The following TNNI3K variants were observed in gnomAD, a reference collection of about 807,000 sequenced individuals.
The protein encoded by TNNI3K is TNNI3 interacting kinase.
A neutral mutation model predicts 114.5 loss-of-function variants in TNNI3K; 140 were observed. The observed-to-expected ratio is 1.22, with a 90% CI of 1.07 to 1.41. The LOEUF (loss-of-function observed/expected upper bound fraction) is 1.41, where lower values mean the gene tolerates loss of function less well. Among genes scored for constraint, TNNI3K ranks in the 40% most tolerant of loss-of-function variants. The probability of loss-of-function intolerance (pLI) is 0.00; values close to 1 mark genes in which losing one functional copy is unlikely to be tolerated. For missense variants in TNNI3K, 1,125 were observed against 1,007.6 expected (o/e 1.12, Z -1.58); for synonymous variants, 347 against 347.5 (o/e 1.00, Z 0.02).
At chr1:74,467,667 T>C (rs569999257) in intron 21 of TNNI3K, among the ~76,000 whole-genome samples, 8 of 152,248 alleles carry the variant, frequency 5.3e-5, no homozygotes, top group African/African-American at 1.7e-4. Context: ...CTTAAAAAAA[T>C]TGTAGTTCCT....
At chr1:74,318,641 C>T (rs1469248564) in intron 5 of TNNI3K, among the ~76,000 whole-genome samples, 1 of 152,186 alleles carries the variant, frequency 6.6e-6, no homozygotes, top group Non-Finnish European at 1.5e-5. Context: ...CTCTTTCTTC[C>T]CCAGACAGAA....
At chr1:74,283,661 T>C (rs1657148585) in intron 5 of TNNI3K, among the ~76,000 whole-genome samples, 1 of 152,214 alleles carries the variant, frequency 6.6e-6, no homozygotes, top group African/African-American at 2.4e-5. Context: ...CAAATCAACC[T>C]GATATGAGAA....
chr1:74,426,208 T>C (rs566086736), intron 17 of TNNI3K, among the ~76,000 whole-genome samples: 11 of 152,242 alleles, frequency 7.2e-5, no homozygotes, highest in Admixed American at 2.6e-4. Context: ...TTTCCTTTCC[T>C]GAGTTACCAA....
chr1:74,522,115 C>CT (rs1646441271), intron 23 of TNNI3K, among the ~76,000 whole-genome samples: 2 of 152,046 alleles, frequency 1.3e-5, no homozygotes, highest in African/African-American at 2.4e-5. Context: ...AGGGATTGTT[C>CT]TTTTTAAAAA....
Position 74,543,963 on chromosome 1 carries a change from G to C in TNNI3K, c.2489G>C (p.Ser830Thr), listed in dbSNP as rs368418124. ...TTTCATTCTTGCCGAAATAGTAGCA[G>C]CTTTGAGGACAGCAGCTGACAGCAT... ...MHFHSCRNSS[S>T]FEDSS is the part of the protein sequence containing the mutation. Residue 830 changes from serine (S) to threonine (T), a missense_variant, in exon 25 of 25, where the codon AGC becomes ACC. Coordinates refer to ENST00000326637, the MANE Select transcript of TNNI3K (RefSeq NM_015978.3). 2.5e-6 allele frequency: 4 copies of C among 1,613,020 alleles called. No individual in the cohort carries two copies. The African/African-American group carries it at 4.0e-5, about 16-fold the overall frequency.
chr1:74,400,239 G>C (rs1043015708), intron 17 of TNNI3K, among the ~76,000 whole-genome samples: 1 of 152,108 alleles, frequency 6.6e-6, no homozygotes, highest in Non-Finnish European at 1.5e-5. Context: ...TAGCTTTTAG[G>C]CTAGTCACCA....
chr1:74,250,613 A>G (rs1160153910), intron 3 of TNNI3K, 59 bp from the exon 4 acceptor site: 7 of 1,496,344 alleles, frequency 4.7e-6, no homozygotes, highest in Non-Finnish European at 6.4e-6. Context: ...GGTCAAAAAG[A>G]GTCTCAAACT....
intron 23 of TNNI3K, among the ~76,000 whole-genome samples, chr1:74,523,937 C>A (rs999126709): frequency 1.3e-5 from 2 of 152,116 alleles, no homozygotes; most frequent in Non-Finnish European, 2.9e-5. Flanking sequence ...CCCCCACCCC[C>A]GACAGGCCCC....
chr1:74,329,416 G>T (rs1660082128), intron 5 of TNNI3K, among the ~76,000 whole-genome samples: 1 of 152,158 alleles, frequency 6.6e-6, no homozygotes, highest in African/African-American at 2.4e-5. Context: ...CAATATTCAA[G>T]TATTAACAAA....
chr1:74,509,615 T>C (rs1487768779), intron 23 of TNNI3K, among the ~76,000 whole-genome samples: 2 of 152,126 alleles, frequency 1.3e-5, no homozygotes, highest in Admixed American at 6.6e-5. Flanking sequence ...TAAATAAAAT[T>C]GAGGACAAAG....
intron 4 of TNNI3K, among the ~76,000 whole-genome samples, chr1:74,251,688 G>A (rs754039085): frequency 6.6e-6 from 1 of 152,154 alleles, no homozygotes; most frequent in African/African-American, 2.4e-5. Flanking sequence ...TGGGAGGAGG[G>A]ACAACTTTTT....
chr1:74,246,673 G>C (rs1237336398), intron 2 of TNNI3K, among the ~76,000 whole-genome samples: 1 of 152,142 alleles, frequency 6.6e-6, no homozygotes, highest in Admixed American at 6.5e-5. Context: ...AAACAGGGAA[G>C]GATGCACATT....
At chr1:74,522,198 A>AT (rs1385083965) in intron 23 of TNNI3K, among the ~76,000 whole-genome samples, 1 of 152,236 alleles carries the variant, frequency 6.6e-6, no homozygotes, top group Non-Finnish European at 1.5e-5. Context: ...AATCAGGGCC[A>AT]GACACAAATA....
intron 17 of TNNI3K, chr1:74,374,506 C>G (rs1204441871): frequency 6.6e-6 from 1 of 151,860 alleles, no homozygotes; most frequent in Non-Finnish European, 1.5e-5. Context: ...ATAGAAGGAG[C>G]GTACTGATGA....
At chr1:74,284,262 GTTC>G (rs1405782901) in intron 5 of TNNI3K, among the ~76,000 whole-genome samples, 2 of 152,118 alleles carry the variant, frequency 1.3e-5, no homozygotes, top group African/African-American at 2.4e-5. Context: ...CGTGTGAGTT[GTTC>G]TTCTTGATGA....
chr1:74,428,279 T>C (rs1665728853), intron 17 of TNNI3K, among the ~76,000 whole-genome samples: 1 of 152,114 alleles, frequency 6.6e-6, no homozygotes, highest in Non-Finnish European at 1.5e-5. Flanking sequence ...GGATGAGTAT[T>C]GGGAGCTATT....
chr1:74,243,420 A>C (rs1654368968), intron 2 of TNNI3K, among the ~76,000 whole-genome samples: 1 of 152,182 alleles, frequency 6.6e-6, no homozygotes, highest in Non-Finnish European at 1.5e-5. Flanking sequence ...TCAATTTGGG[A>C]AACTAGACAA....
intron 17 of TNNI3K, among the ~76,000 whole-genome samples, chr1:74,400,181 G>A (rs1281815216): frequency 6.6e-6 from 1 of 152,172 alleles, no homozygotes; most frequent in Non-Finnish European, 1.5e-5. Flanking sequence ...GAACCTTGGA[G>A]GTATGGATTA....
At chr1:74,433,745 G>A (rs1395413599) in intron 17 of TNNI3K, among the ~76,000 whole-genome samples, 2 of 151,988 alleles carry the variant, frequency 1.3e-5, no homozygotes, top group Non-Finnish European at 2.9e-5. Context: ...AAATGTTATA[G>A]TTGTTTATCA....
Sources: gnomAD v4.1 joint callset for allele counts (sites outside exome capture counted in the v4.1 genomes callset) on GRCh38, gnomAD v4.1.1 for gene constraint, MANE v1.5 for transcripts, NCBI Gene and HGNC (gene_info 2026-07-23, HGNC 2026-07-21) for gene names.